PCDHGB5: variants seen among roughly 807,000 people sequenced by gnomAD.
PCDHGB5 encodes protocadherin gamma subfamily B, 5, also known as protocadherin gamma-B5.
PCDHGB5 carries 48 observed loss-of-function variants against 62.9 expected under a neutral mutation model. That is an observed-to-expected ratio of 0.76 (90% CI 0.61 to 0.97). PCDHGB5 has a LOEUF of 0.97. PCDHGB5 is among the 50% of genes least tolerant of loss of function. The probability of loss-of-function intolerance (pLI) is 0.00; values close to 1 mark genes in which losing one functional copy is unlikely to be tolerated. For synonymous variants in PCDHGB5, 474 were observed against 511.2 expected, an observed-to-expected ratio of 0.93 and a Z score of 0.98; for missense variants, 1,118 against 1,198.6, an observed-to-expected ratio of 0.93 and a Z score of 0.99.
chr5:141,477,301 C>T lies in PCDHGB5; in HGVS notation c.2398-17506C>T, dbSNP rs756549446. The T allele has an allele frequency of 6.2e-7, 1 of 1,614,160 alleles. No homozygotes were observed. Among genetic ancestry groups the T allele is most frequent in the East Asian group, 2.2e-5 (1 of 44,872 alleles). Reference sequence around the variant, plus strand: ...TGACCTGCGAAGTTCCACCGGGTCTCCCTTTCAGCCTTACTTCTTCCCTCA... The same window carrying T: ...TGACCTGCGAAGTTCCACCGGGTCTTCCTTTCAGCCTTACTTCTTCCCTCA... On this transcript the variant is annotated intron_variant, in intron 1 of 3. Coordinates refer to ENST00000617380, the MANE Select transcript of PCDHGB5 (RefSeq NM_018925.3). The surrounding 1 kb of genome is among the most constrained non-coding windows in gnomAD (Gnocchi z 4.9).
intron 2 of PCDHGB5, among the ~76,000 whole-genome samples, chr5:141,495,250 A>G (rs557893500): frequency 6.6e-6 from 1 of 152,188 alleles, no homozygotes; most frequent in Non-Finnish European, 1.5e-5. Context: ...CCTGGGGCTC[A>G]GGCAGAAAAG....
intron 1 of PCDHGB5, chr5:141,422,258 A>G (rs2096637047): frequency 6.4e-7 from 1 of 1,565,282 alleles, no homozygotes; most frequent in East Asian, 2.2e-5. Flanking sequence ...GTGAATGATA[A>G]CGCTCCAGAA....
intron 1 of PCDHGB5, among the ~76,000 whole-genome samples, chr5:141,471,118 A>G (rs58897068): frequency 0.11 from 15,938 of 141,604 alleles, 871 homozygotes; most frequent in South Asian, 0.16. Flanking sequence ...GTGCGATCTT[A>G]CCTTCACTGC....
In PCDHGB5 at chr5:141,491,632, C is replaced by T; in HGVS notation, c.2398-3175C>T. On this transcript the variant is annotated intron_variant, in intron 1 of 3. Transcript: ENST00000617380. This position sits in a 1 kb window ranked among gnomAD's most constrained non-coding sequence, Gnocchi z 6.9. ...TCTAAGACCCCTCAGCGTTCAGCAG[C>T]CCACAGCTCTGGCGCTGGAGCCTGA... 1.2e-6 allele frequency: 2 copies of T among 1,613,886 alleles called. No individual in the cohort carries two copies. The highest frequency in any genetic ancestry group is 1.7e-6 in the Non-Finnish European group (2 of 1,179,994).
Position 141,476,115 on chromosome 5 carries a change from A to G in PCDHGB5, c.2398-18692A>G. 1 of 1,592,814 alleles carries G rather than the reference A, an allele frequency of 6.3e-7. No homozygotes were observed. The highest frequency in any genetic ancestry group is 8.5e-7 in the Non-Finnish European group (1 of 1,171,734). On this transcript the variant is annotated intron_variant, in intron 1 of 3. Coordinates refer to ENST00000617380, the MANE Select transcript of PCDHGB5 (RefSeq NM_018925.3). This position sits in a 1 kb window ranked among gnomAD's most constrained non-coding sequence, Gnocchi z 7.6. ...CGCTGAGAGGAACTGCTTTTGAGTG[A>G]GATGGTCCCAGAGGCCTGGAGGAGC...
At chr5:141,467,214 G>A (rs1333148694) in intron 1 of PCDHGB5, among the ~76,000 whole-genome samples, 1 of 151,856 alleles carries the variant, frequency 6.6e-6, no homozygotes, top group Admixed American at 6.6e-5. Context: ...CACCATGCCT[G>A]GCTAATTTTT....
intron 1 of PCDHGB5, among the ~76,000 whole-genome samples, chr5:141,467,814 A>G (rs2099152300): frequency 6.6e-6 from 1 of 151,978 alleles, no homozygotes; most frequent in Non-Finnish European, 1.5e-5. Flanking sequence ...ACATGCCACC[A>G]CACCAGGCTG....
At chr5:141,404,215 G>T (rs1372288822) in intron 1 of PCDHGB5, 15 of 1,613,346 alleles carry the variant, frequency 9.3e-6, no homozygotes, top group Non-Finnish European at 1.3e-5. Context: ...ATAATATCAC[G>T]GTGACTGCAA....
intron 2 of PCDHGB5, among the ~76,000 whole-genome samples, chr5:141,503,984 C>T (rs967348519): frequency 2.0e-5 from 3 of 152,184 alleles, no homozygotes; most frequent in African/African-American, 7.2e-5. Context: ...AACCCTTCTT[C>T]TTACCTTACA....
chr5:141,415,740 GTTTTTTTTTTTTTTT>G (rs57426385), intron 1 of PCDHGB5: 171 of 625,014 alleles, frequency 2.7e-4, no homozygotes, highest in East Asian at 8.8e-4. Flanking sequence ...GTTTATTAAG[GTTTTTTTTTTTTTTT>G]TTTTTTTTTT....
At position 141,408,409 on chromosome 5, in the gene PCDHGB5, C is replaced by G. The variant is rs780778580; in HGVS notation, c.2397+7885C>G. On this transcript the variant is annotated intron_variant, in intron 1 of 3. Coordinates refer to ENST00000617380, the MANE Select transcript of PCDHGB5 (RefSeq NM_018925.3). ...TGTCGGCTCGCAAGCTGCGAGTGAGCGCGGAGAAGCTGCACTTCAGCGTAG... is the reference window on the plus strand; with the variant it reads ...TGTCGGCTCGCAAGCTGCGAGTGAGGGCGGAGAAGCTGCACTTCAGCGTAG... 3.1e-6 allele frequency: 5 copies of G among 1,613,884 alleles called. No individual in the cohort carries two copies. In the East Asian group the frequency reaches 1.1e-4, roughly 36 times the overall value.
chr5:141,477,002 G>A lies in PCDHGB5; in HGVS notation c.2398-17805G>A, dbSNP rs770390597. On this transcript the variant is annotated intron_variant, in intron 1 of 3. Coordinates refer to ENST00000617380, the MANE Select transcript of PCDHGB5 (RefSeq NM_018925.3). The surrounding 1 kb of genome is among the most constrained non-coding windows in gnomAD (Gnocchi z 4.9). ...CCGCGCCGGCGTGCGGCAACTATTC[G>A]CCTTAGACCTTGTAACCGGGATGCT... 6.2e-7 allele frequency: 1 copy of A among 1,614,102 alleles called. No homozygotes were observed. The highest frequency in any genetic ancestry group is 1.3e-5 in the African/African-American group (1 of 74,952).
chr5:141,403,773 A>T, intron 1 of PCDHGB5: 1 of 1,613,956 alleles, frequency 6.2e-7, no homozygotes, highest in South Asian at 1.1e-5. Context: ...GAGGGAATCA[A>T]CGGAAAAGTG....
intron 1 of PCDHGB5, chr5:141,414,697 T>C (rs748722995): frequency 6.2e-7 from 1 of 1,614,036 alleles, no homozygotes; most frequent in Non-Finnish European, 8.5e-7. Flanking sequence ...TCTGTCCTCA[T>C]ACATATCCAT....
chr5:141,503,213 A>G (rs1368413073), intron 2 of PCDHGB5, among the ~76,000 whole-genome samples: 1 of 152,100 alleles, frequency 6.6e-6, no homozygotes, highest in Non-Finnish European at 1.5e-5. Flanking sequence ...AGTGCCCACC[A>G]TGAGCACCGT....
chr5:141,456,748 A>C (rs1448893002), intron 1 of PCDHGB5, among the ~76,000 whole-genome samples: 1 of 151,852 alleles, frequency 6.6e-6, no homozygotes, highest in Non-Finnish European at 1.5e-5. Context: ...GAGCATCATG[A>C]GGTCAGGAGT....
chr5:141,477,274 G>A lies in PCDHGB5; in HGVS notation c.2398-17533G>A. The A allele has an allele frequency of 2.5e-6, 4 of 1,614,034 alleles. No homozygotes were observed. Among genetic ancestry groups the A allele is most frequent in the East Asian group, 2.2e-5 (1 of 44,880 alleles). ...ACCTGGATGCTGGCGAGAACGGGCT[G>A]GTGACCTGCGAAGTTCCACCGGGTC... On this transcript the variant is annotated intron_variant, in intron 1 of 3. Coordinates refer to ENST00000617380, the MANE Select transcript of PCDHGB5 (RefSeq NM_018925.3). This position sits in a 1 kb window ranked among gnomAD's most constrained non-coding sequence, Gnocchi z 4.9.
At chr5:141,478,941 A>C (rs889484528) in intron 1 of PCDHGB5, 9 of 589,470 alleles carry the variant, frequency 1.5e-5, no homozygotes, top group Non-Finnish European at 2.0e-5. Context: ...TTCTAGGAAT[A>C]CAAAAACTAC....
At chr5:141,402,487 A>G (rs1239262921) in intron 1 of PCDHGB5, among the ~76,000 whole-genome samples, 1 of 152,226 alleles carries the variant, frequency 6.6e-6, no homozygotes, top group Non-Finnish European at 1.5e-5. Flanking sequence ...AAGTTCTACC[A>G]AGAATAAGAA....
Sources: gnomAD v4.1 joint callset for allele counts (sites outside exome capture counted in the v4.1 genomes callset) on GRCh38, gnomAD v4.1.1 for gene constraint, Gnocchi (gnomAD v3.1) non-coding constraint, MANE v1.5 for transcripts, NCBI Gene and HGNC (gene_info 2026-07-23, HGNC 2026-07-21) for gene names.